The following EXOC4 variants were observed in gnomAD, a reference collection of about 807,000 sequenced individuals.
The protein encoded by EXOC4 is SEC8-like 1.
A neutral mutation model predicts 107.2 loss-of-function variants in EXOC4; 71 were observed. That is an observed-to-expected ratio of 0.66 (90% CI 0.55 to 0.81). The LOEUF is 0.81. Among genes scored for constraint, EXOC4 ranks in the 30% least tolerant of loss-of-function variants. The pLI, the probability that EXOC4 is intolerant of heterozygous loss-of-function variation, is 0.00. For synonymous variants in EXOC4, 456 were observed against 441.2 expected (o/e 1.03, Z -0.42); for missense variants, 1,108 against 1,189.6 (o/e 0.93, Z 1.01).
chr7:133,344,875 TC>T lies in EXOC4; in HGVS notation c.764-11454del, dbSNP rs564367609. The stretch of plus-strand genomic sequence containing the variant: ...GTTTGCAATAAGGCCTTCTGGCAGA[TC>T]AGGGACAGAGGAGGAGCATGAGATA... On this transcript the variant is annotated intron_variant, in intron 5 of 17. Transcript: ENST00000253861. Among the ~76,000 whole-genome samples, 311 of 152,330 alleles carry T rather than the reference TC, an allele frequency of 2.0e-3. 1 individual carries two copies. Among genetic ancestry groups the T allele is most frequent in the Non-Finnish European group, 3.0e-3 (204 of 68,024 alleles).
At chr7:133,274,555 C>A (rs910903487) in intron 1 of EXOC4, among the ~76,000 whole-genome samples, 1 of 152,114 alleles carries the variant, frequency 6.6e-6, no homozygotes, top group African/African-American at 2.4e-5. Flanking sequence ...TACAGTGATA[C>A]CTAGGGTTGG....
In EXOC4 at chr7:133,976,254, ACTCTAAC is replaced by A. The variant is rs553924031; in HGVS notation, c.2207-21233_2207-21227del. ...TATAATGTTAAGAAAAAGCAGAACC[ACTCTAAC>A]CTCTCTTTTGTTTCTGTCTTATTTA... On this transcript the variant is annotated intron_variant, in intron 14 of 17. Transcript: ENST00000253861. 2.4e-3 allele frequency among the ~76,000 whole-genome samples: 368 copies of A among 152,064 alleles called. 5 individuals carry two copies. Among genetic ancestry groups the A allele is most frequent in the African/African-American group, 8.3e-3 (344 of 41,458 alleles).
intron 7 of EXOC4, among the ~76,000 whole-genome samples, chr7:133,428,756 C>T (rs1426712452): frequency 6.6e-6 from 1 of 152,146 alleles, no homozygotes; most frequent in Non-Finnish European, 1.5e-5. Flanking sequence ...TCTTTTATGC[C>T]ACAAACATCT....
At chr7:133,522,979 A>G (rs1200523749) in intron 9 of EXOC4, among the ~76,000 whole-genome samples, 1 of 152,182 alleles carries the variant, frequency 6.6e-6, no homozygotes, top group Non-Finnish European at 1.5e-5. Flanking sequence ...AACCAAGTCA[A>G]GTTGACTGCT....
chr7:133,393,279 G>C (rs1438483148), intron 7 of EXOC4, among the ~76,000 whole-genome samples: 1 of 151,892 alleles, frequency 6.6e-6, no homozygotes, highest in Non-Finnish European at 1.5e-5. Flanking sequence ...GATTAAAAAG[G>C]CTCTCTTGAG....
intron 11 of EXOC4, among the ~76,000 whole-genome samples, chr7:133,879,597 C>T (rs1798922371): frequency 1.3e-5 from 2 of 152,080 alleles, no homozygotes; most frequent in Admixed American, 6.6e-5. Context: ...GTCTGACTTT[C>T]TCTCTTCATT....
intron 6 of EXOC4, among the ~76,000 whole-genome samples, chr7:133,367,757 C>G (rs1004984957): frequency 2.6e-5 from 4 of 152,142 alleles, no homozygotes; most frequent in Admixed American, 6.5e-5. Context: ...ATAGGGCTGC[C>G]CTAAGGATGA....
chr7:133,469,455 A>G lies in EXOC4; in HGVS notation c.1183-5873A>G, dbSNP rs920635020. The stretch of plus-strand genomic sequence containing the variant: ...AAATGAAAGAAAGAAAAAAACAAAA[A>G]GGAAAATTGGGTTCATAGTTGTACA... On this transcript the variant is annotated intron_variant, in intron 7 of 17. Coordinates refer to ENST00000253861, the MANE Select transcript of EXOC4 (RefSeq NM_021807.4). Among the ~76,000 whole-genome samples, 3 of 152,228 alleles carry G rather than the reference A, an allele frequency of 2.0e-5. No homozygotes were observed. The East Asian group carries it at 5.8e-4, about 29-fold the overall frequency.
chr7:133,584,690 T>G (rs1801360827), intron 9 of EXOC4, among the ~76,000 whole-genome samples: 1 of 148,682 alleles, frequency 6.7e-6, no homozygotes, highest in African/African-American at 2.5e-5. Context: ...GTGACTCTCC[T>G]GCCTCAGCCT....
intron 13 of EXOC4, among the ~76,000 whole-genome samples, chr7:133,925,044 G>A (rs756001777): frequency 3.3e-5 from 5 of 152,220 alleles, no homozygotes; most frequent in Non-Finnish European, 7.3e-5. Flanking sequence ...ACTTGACAGA[G>A]TGCCTTGATT....
At chr7:133,787,261 G>C (rs1035512044) in intron 10 of EXOC4, among the ~76,000 whole-genome samples, 4 of 148,608 alleles carry the variant, frequency 2.7e-5, no homozygotes, top group African/African-American at 9.9e-5. Flanking sequence ...CTAACTCCTG[G>C]GCTGAAGTGA....
chr7:134,092,938 A>AAAAAAAAAT, the EXOC4 span, among the ~76,000 whole-genome samples: 191 of 151,164 alleles, frequency 1.3e-3, 1 homozygote, highest in Middle Eastern at 0.01. Flanking sequence ...AAAAAAAAAA[A>AAAAAAAAAT]GGAAACCAAA....
intron 12 of EXOC4, among the ~76,000 whole-genome samples, chr7:133,900,781 G>C (rs753138547): frequency 8.5e-5 from 13 of 152,160 alleles, no homozygotes; most frequent in Non-Finnish European, 1.9e-4. Context: ...AAGAAATACA[G>C]ATTGAAATTA....
intron 12 of EXOC4, among the ~76,000 whole-genome samples, chr7:133,903,558 G>T (rs1799502755): frequency 6.6e-6 from 1 of 152,198 alleles, no homozygotes. Flanking sequence ...GTGAAAAGAT[G>T]GATGGAGTTG....
At position 133,895,645 on chromosome 7, in the gene EXOC4, T is replaced by C; in HGVS notation, c.1781T>C (p.Met594Thr). The C allele has an allele frequency of 4.3e-6, 7 of 1,614,132 alleles. No homozygotes were observed. Among genetic ancestry groups the C allele is most frequent in the Non-Finnish European group, 5.9e-6 (7 of 1,179,964 alleles). The change falls in exon 12 of 18, where the codon ATG becomes ACG. Residue 594 changes from methionine (M) to threonine (T), a missense_variant. Coordinates refer to ENST00000253861, the MANE Select transcript of EXOC4 (RefSeq NM_021807.4). ...EKTVQDLLNL[M>T]HDLSAYSDQF... ...ACAGTTCAAGACCTCCTGAACCTGA[T>C]GCATGACTTGAGTGCATATTCAGAT...
chr7:133,636,379 A>G (rs923694438), intron 10 of EXOC4, among the ~76,000 whole-genome samples: 30 of 152,176 alleles, frequency 2.0e-4, no homozygotes, highest in African/African-American at 6.3e-4. Context: ...GTGCTTTTAT[A>G]ATATTTAGGG....
At chr7:133,589,668 G>A (rs1801493670) in intron 9 of EXOC4, among the ~76,000 whole-genome samples, 1 of 152,178 alleles carries the variant, frequency 6.6e-6, no homozygotes, top group South Asian at 2.1e-4. Context: ...GGATGTCTAC[G>A]ATGTTGGCTA....
intron 12 of EXOC4, among the ~76,000 whole-genome samples, chr7:133,901,223 T>C (rs1375337605): frequency 6.6e-6 from 1 of 152,222 alleles, no homozygotes; most frequent in Non-Finnish European, 1.5e-5. Context: ...TATTTTTGAA[T>C]CTTCATTCTG....
chr7:133,924,790 T>C (rs928477451), intron 13 of EXOC4, among the ~76,000 whole-genome samples: 2 of 152,244 alleles, frequency 1.3e-5, no homozygotes, highest in Non-Finnish European at 2.9e-5. Flanking sequence ...TATATAAATT[T>C]AATCATAGCA....
Sources: allele counts gnomAD v4.1 joint callset (sites outside exome capture counted in the v4.1 genomes callset), GRCh38; gene constraint gnomAD v4.1.1; transcripts MANE v1.5; gene names NCBI Gene and HGNC (gene_info 2026-07-23, HGNC 2026-07-21).